Variants in FMN1 observed in about 807,000 individuals in gnomAD.
FMN1 encodes formin 1.
Under a neutral mutation model 132.4 loss-of-function variants are expected in FMN1, and 110 were observed. That is an observed-to-expected ratio of 0.83 (90% CI 0.71 to 0.97). The LOEUF is 0.97. Ranked by LOEUF, FMN1 falls within the 50% of genes least tolerant of loss-of-function variation. The pLI is 0.00. For synonymous variants in FMN1, 722 were observed against 651.7 expected (o/e 1.11, Z -1.64); for missense variants, 1,792 against 1,705.3 (o/e 1.05, Z -0.90).
intron 4 of FMN1, among the ~76,000 whole-genome samples, chr15:33,122,533 A>T (rs1962665297): frequency 6.6e-6 from 1 of 152,218 alleles, no homozygotes; most frequent in Non-Finnish European, 1.5e-5. Context: ...AAGTATTTAA[A>T]ATGCAACAGG....
intron 17 of FMN1, among the ~76,000 whole-genome samples, chr15:32,848,933 T>G (rs759279609): frequency 6.6e-6 from 1 of 150,620 alleles, no homozygotes; most frequent in African/African-American, 2.4e-5. Flanking sequence ...ATGGGTGTTA[T>G]GGTGAGGACC....
chr15:33,053,607 A>G (rs1369776051), intron 6 of FMN1, among the ~76,000 whole-genome samples: 1 of 152,154 alleles, frequency 6.6e-6, no homozygotes, highest in Non-Finnish European at 1.5e-5. Flanking sequence ...CTTGGCTACA[A>G]ACTTCGGTGT....
chr15:32,852,206 T>C (rs1391820534), intron 17 of FMN1, among the ~76,000 whole-genome samples: 2 of 152,188 alleles, frequency 1.3e-5, no homozygotes, highest in Non-Finnish European at 2.9e-5. Context: ...CTCACTGTCT[T>C]CCATCTCAAA....
chr15:33,112,270 A>G (rs2039737161), intron 4 of FMN1, among the ~76,000 whole-genome samples: 1 of 142,158 alleles, frequency 7.0e-6, no homozygotes, highest in Non-Finnish European at 1.5e-5. Flanking sequence ...AGTTTGAAAT[A>G]ATGTTAGGTG....
chr15:32,960,780 G>A (rs1001711605), intron 9 of FMN1, among the ~76,000 whole-genome samples: 5 of 151,976 alleles, frequency 3.3e-5, no homozygotes, highest in African/African-American at 9.7e-5. Context: ...CAGATCACCT[G>A]AGGTCAGAAG....
intron 9 of FMN1, among the ~76,000 whole-genome samples, chr15:32,934,173 A>G (rs1028839212): frequency 6.6e-6 from 1 of 152,144 alleles, no homozygotes; most frequent in Non-Finnish European, 1.5e-5. Context: ...TACATAAAAC[A>G]TTTTATAGGT....
chr15:33,181,999 C>T (rs1461263732), intron 2 of FMN1, among the ~76,000 whole-genome samples: 5 of 152,124 alleles, frequency 3.3e-5, no homozygotes, highest in Non-Finnish European at 7.4e-5. Flanking sequence ...CATAAGCCAC[C>T]ATACCCGGCC....
chr15:32,930,553 A>G lies in FMN1; in HGVS notation c.3139-4292T>C, dbSNP rs116717638. Among the ~76,000 whole-genome samples the G allele has an allele frequency of 2.7e-3, 407 of 151,962 alleles. 6 individuals carry two copies. The highest frequency in any genetic ancestry group is 9.5e-3 in the African/African-American group (393 of 41,440). ...GGCCATTTGTATACCTTTTTTGGAG[A>G]AATGTTTGGATAAGTCTTTAGCCCA... On this transcript the variant is annotated intron_variant, in intron 9 of 20. Coordinates refer to ENST00000616417, the MANE Select transcript of FMN1 (RefSeq NM_001277313.2).
At position 33,144,570 on chromosome 15, in the gene FMN1, G is replaced by A. The variant is rs139317222; in HGVS notation, c.1867+8478C>T. 3.6e-3 allele frequency among the ~76,000 whole-genome samples: 548 copies of A among 151,042 alleles called. 1 individual carries two copies. The highest frequency in any genetic ancestry group is 6.9e-3 in the Middle Eastern group (2 of 290). On this transcript the variant is annotated intron_variant, in intron 4 of 20. Transcript: ENST00000616417. The stretch of plus-strand genomic sequence containing the variant: ...GGAGAATGGCATGAACCCGGGAGGC[G>A]GAACTTGCAGTGAGCCGAGATTGCG...
intron 4 of FMN1, among the ~76,000 whole-genome samples, chr15:33,110,272 C>G (rs539256769): frequency 6.6e-6 from 1 of 151,954 alleles, no homozygotes; most frequent in Non-Finnish European, 1.5e-5. Flanking sequence ...GGTCTATTCT[C>G]TTTGCAGAAT....
At chr15:33,144,743 T>C (rs1964151118) in intron 4 of FMN1, among the ~76,000 whole-genome samples, 1 of 148,866 alleles carries the variant, frequency 6.7e-6, no homozygotes, top group Admixed American at 6.7e-5. Flanking sequence ...AAGCAGCAAA[T>C]GTAGCAGCTT....
chr15:32,964,290 A>C, intron 8 of FMN1, 33 bp from the exon 9 acceptor site: 2 of 1,490,232 alleles, frequency 1.3e-6, no homozygotes, highest in Non-Finnish European at 1.8e-6. Flanking sequence ...TAACCATAAG[A>C]ACCAAAACAG....
At chr15:32,885,427 T>C (rs746750157) in intron 16 of FMN1, among the ~76,000 whole-genome samples, 26 of 152,236 alleles carry the variant, frequency 1.7e-4, no homozygotes, top group Non-Finnish European at 5.9e-5. Context: ...GTGATATGTA[T>C]TGAACACATG....
At chr15:32,825,396 C>T (rs960260406) in intron 17 of FMN1, among the ~76,000 whole-genome samples, 2 of 152,218 alleles carry the variant, frequency 1.3e-5, no homozygotes, top group African/African-American at 4.8e-5. Flanking sequence ...GTATGCCAAG[C>T]TCTCAGCTGC....
At chr15:32,841,032 C>T (rs2058735402) in intron 17 of FMN1, among the ~76,000 whole-genome samples, 1 of 152,230 alleles carries the variant, frequency 6.6e-6, no homozygotes, top group African/African-American at 2.4e-5. Flanking sequence ...GCATTTATCA[C>T]CGTTTATCCA....
At chr15:33,114,604 C>T (rs1318212767) in intron 4 of FMN1, among the ~76,000 whole-genome samples, 7 of 152,100 alleles carry the variant, frequency 4.6e-5, no homozygotes, top group Non-Finnish European at 8.8e-5. Context: ...CGTCTCATGA[C>T]AAAAGCACTT....
At position 33,023,065 on chromosome 15, in the gene FMN1, A is replaced by G. The variant is rs1361670423; in HGVS notation, c.2162-14990T>C. On this transcript the variant is annotated intron_variant, in intron 6 of 20. Transcript: ENST00000616417. ...CTGATCCCCCTCCCCCACCCAAAAA[A>G]AAAAAAAAAAAAGAAAAAAAAGACC... Among the ~76,000 whole-genome samples the G allele has an allele frequency of 7.1e-5, 5 of 70,120 alleles. No individual in the cohort carries two copies. In the South Asian group the frequency reaches 1.7e-3, roughly 24 times the overall value. The allele number at this position is 70,120 out of a possible 152,430, so 46.0% of individuals were successfully genotyped here.
chr15:32,822,175 C>A (rs1406657418), intron 17 of FMN1, among the ~76,000 whole-genome samples: 1 of 151,964 alleles, frequency 6.6e-6, no homozygotes, highest in African/African-American at 2.4e-5. Flanking sequence ...ATGGTGAAAC[C>A]CCGCCTCTAC....
chr15:32,903,779 ATGTT>A (rs1160343006), intron 12 of FMN1, among the ~76,000 whole-genome samples: 1 of 152,050 alleles, frequency 6.6e-6, no homozygotes, highest in East Asian at 1.9e-4. Flanking sequence ...TTATCAATGT[ATGTT>A]ACGCAAGAAA....
Sources: allele counts gnomAD v4.1 joint callset (sites outside exome capture counted in the v4.1 genomes callset), GRCh38; gene constraint gnomAD v4.1.1; transcripts MANE v1.5; gene names NCBI Gene and HGNC (gene_info 2026-07-23, HGNC 2026-07-21).